CDC16: variants seen among roughly 807,000 people sequenced by gnomAD.
The protein encoded by CDC16 is cell division cycle protein 16 homolog.
In CDC16, 34 loss-of-function variants were observed where a neutral mutation model predicts 87.0. The ratio of observed to expected loss-of-function variants is 0.39; its 90% confidence interval spans 0.30 to 0.52. The LOEUF is 0.52. CDC16 is among the 20% of genes least tolerant of loss of function. The pLI is 0.74. For synonymous variants in CDC16, 263 were observed against 260.6 expected (o/e 1.01, Z -0.09); for missense variants, 653 against 751.9 (o/e 0.87, Z 1.54).
At chr13:114,260,621 A>G (rs1390989438) in intron 14 of CDC16, among the ~76,000 whole-genome samples, 3 of 152,248 alleles carry the variant, frequency 2.0e-5, no homozygotes, top group Non-Finnish European at 4.4e-5. Context: ...CACTAAATTT[A>G]GAGTCTTACA....
chr13:114,252,349 T>G (rs1026584609), intron 12 of CDC16, among the ~76,000 whole-genome samples: 3 of 152,224 alleles, frequency 2.0e-5, no homozygotes, highest in Admixed American at 2.0e-4. Flanking sequence ...ACCTTTATTA[T>G]CTTTTCATAG....
At chr13:114,261,386 G>A (rs957515514) in intron 14 of CDC16, among the ~76,000 whole-genome samples, 2 of 151,998 alleles carry the variant, frequency 1.3e-5, no homozygotes, top group Non-Finnish European at 2.9e-5. Context: ...ATAGGTTGGA[G>A]TTATGCCTAG....
In CDC16 at chr13:114,263,018, T is replaced by C; in HGVS notation, c.1512+4T>C. 6.2e-7 allele frequency: 1 copy of C among 1,613,070 alleles called. No individual in the cohort carries two copies. Among genetic ancestry groups the C allele is most frequent in the Non-Finnish European group, 8.5e-7 (1 of 1,179,084 alleles). Reference sequence around the variant, plus strand: ...TGCTGTGGACTACTTCCACACAGTATGTCTTTTCTTTGTACCTAATTTTAA... The same window carrying C: ...TGCTGTGGACTACTTCCACACAGTACGTCTTTTCTTTGTACCTAATTTTAA... On this transcript the variant is annotated splice_donor_region_variant and intron_variant, in intron 16 of 17. Transcript: ENST00000356221.
intron 17 of CDC16, among the ~76,000 whole-genome samples, chr13:114,266,850 C>T (rs2083254758): frequency 6.6e-6 from 1 of 152,032 alleles, no homozygotes; most frequent in Admixed American, 6.5e-5. Context: ...CACCCATCAC[C>T]ACGCCCGGCT....
intron 17 of CDC16, 93 bp downstream of exon 17, chr13:114,265,333 C>T (rs2083135902): frequency 1.2e-6 from 1 of 803,078 alleles, no homozygotes; most frequent in Non-Finnish European, 2.2e-6. Context: ...GTCTGAGGTT[C>T]CAAGTTCATC....
intron 6 of CDC16, 46 bp downstream of exon 6, chr13:114,242,326 ATTG>A (rs1340280424): frequency 1.3e-6 from 2 of 1,571,770 alleles, no homozygotes; most frequent in Non-Finnish European, 1.7e-6. Flanking sequence ...CAAAATTAAT[ATTG>A]TTTGGATTTT....
intron 12 of CDC16, among the ~76,000 whole-genome samples, chr13:114,256,852 T>C (rs745522264): frequency 5.5e-4 from 83 of 152,148 alleles, no homozygotes; most frequent in Middle Eastern, 3.2e-3. Context: ...GGAATAATAA[T>C]GAAAATTAAA....
At chr13:114,263,097 T>C (rs1400539668) in intron 16 of CDC16, 83 bp downstream of exon 16, 9 of 1,222,550 alleles carry the variant, frequency 7.4e-6, no homozygotes, top group Middle Eastern at 2.0e-4. Context: ...CTAGGTAATA[T>C]TGACTTACTA....
chr13:114,263,025 T>C lies in CDC16; in HGVS notation c.1512+11T>C, dbSNP rs756005003. 3 of 1,611,824 alleles carry C rather than the reference T, an allele frequency of 1.9e-6. No individual in the cohort carries two copies. The East Asian group carries it at 6.7e-5, about 36-fold the overall frequency. ...GACTACTTCCACACAGTATGTCTTTTCTTTGTACCTAATTTTAAATCTGGT... is the reference window on the plus strand; with the variant it reads ...GACTACTTCCACACAGTATGTCTTTCCTTTGTACCTAATTTTAAATCTGGT... On this transcript the variant is annotated intron_variant, in intron 16 of 17. Coordinates refer to ENST00000356221, the MANE Select transcript of CDC16 (RefSeq NM_001078645.3).
rs2082958246 is a variant in CDC16 at position 114,263,174 on chromosome 13, G to T, written c.1512+160G>T. 2.0e-5 allele frequency among the ~76,000 whole-genome samples: 3 copies of T among 152,186 alleles called. No individual in the cohort carries two copies. The South Asian group carries it at 6.2e-4, about 32-fold the overall frequency. On this transcript the variant is annotated intron_variant, in intron 16 of 17. Transcript: ENST00000356221. ...TTGCAGAGAAAAGCATGTGGGTGTT[G>T]TACAGTATTCATCAAATTAGAAACA...
intron 9 of CDC16, chr13:114,245,764 C>A: frequency 2.2e-6 from 1 of 448,440 alleles, no homozygotes; most frequent in South Asian, 2.8e-5. Context: ...TTTGCTGTAT[C>A]CTCTGCAGTA....
At chr13:114,258,176 C>A (rs1351068870) in intron 13 of CDC16, among the ~76,000 whole-genome samples, 2 of 152,164 alleles carry the variant, frequency 1.3e-5, no homozygotes, top group East Asian at 3.8e-4. Flanking sequence ...AAGTTTGAAG[C>A]TTTAAAATAA....
In CDC16 at chr13:114,250,481, G is replaced by A. The variant is rs562143773; in HGVS notation, c.972-68G>A. On this transcript the variant is annotated intron_variant, in intron 11 of 17. Coordinates refer to ENST00000356221, the MANE Select transcript of CDC16 (RefSeq NM_001078645.3). ...CACTCCAGCCTGAGCGACAAAGTGA[G>A]ACTTTGTCTCAAAAAAAAAAAAAAA... is the stretch of plus-strand genomic sequence containing the variant. 1.9e-3 allele frequency: 2,709 copies of A among 1,422,168 alleles called. 3 individuals are homozygous for A. Among genetic ancestry groups the A allele is most frequent in the Non-Finnish European group, 2.4e-3 (2,541 of 1,056,672 alleles). 88.1% of individuals were successfully genotyped at this position (1,422,168 alleles called of 1,614,324 possible).
At chr13:114,245,022 C>G (rs2081780840) in intron 9 of CDC16, 53 bp downstream of exon 9, 5 of 1,076,042 alleles carry the variant, frequency 4.6e-6, no homozygotes, top group Non-Finnish European at 6.9e-6. Flanking sequence ...CAAATCTTTT[C>G]TGTAACTTGA....
intron 4 of CDC16, 136 bp from the exon 5 acceptor site, chr13:114,239,214 T>G (rs1353488291): frequency 7.1e-7 from 1 of 1,417,372 alleles, no homozygotes; most frequent in East Asian, 2.3e-5. Context: ...CATGCTGACA[T>G]GCATGAAGAA....
intron 12 of CDC16, among the ~76,000 whole-genome samples, chr13:114,251,921 G>T (rs1412172556): frequency 6.6e-6 from 1 of 151,508 alleles, no homozygotes. Flanking sequence ...CCTTACACTA[G>T]CCCTGTTGGA....
chr13:114,246,320 C>T (rs770096719), intron 10 of CDC16, among the ~76,000 whole-genome samples: 5 of 152,172 alleles, frequency 3.3e-5, no homozygotes, highest in Admixed American at 6.5e-5. Context: ...AAATACTTAG[C>T]GTATAGCAAT....
At chr13:114,262,731 T>C (rs2082930102) in intron 15 of CDC16, 148 bp from the exon 16 acceptor site, 1 of 745,066 alleles carries the variant, frequency 1.3e-6, no homozygotes, top group Non-Finnish European at 2.3e-6. Flanking sequence ...TTGAGATGCA[T>C]GAGAGTAGGT....
At chr13:114,266,540 G>A (rs1023791401) in intron 17 of CDC16, among the ~76,000 whole-genome samples, 9 of 152,192 alleles carry the variant, frequency 5.9e-5, no homozygotes, top group Non-Finnish European at 1.2e-4. Flanking sequence ...AGTCACTGAT[G>A]CACTTGTGTG....
Sources: allele counts gnomAD v4.1 joint callset (sites outside exome capture counted in the v4.1 genomes callset), GRCh38; gene constraint gnomAD v4.1.1; transcripts MANE v1.5; gene names NCBI Gene and HGNC (gene_info 2026-07-23, HGNC 2026-07-21).